DST: variants seen among roughly 807,000 people sequenced by gnomAD.
DST encodes dystonin, also known as bullous pemphigoid antigen.
A neutral mutation model predicts 875.2 loss-of-function variants in DST; 253 were observed. That is an observed-to-expected ratio of 0.29 (90% confidence interval 0.26 to 0.32). The LOEUF (loss-of-function observed/expected upper bound fraction) is 0.32. Ranked by LOEUF, DST falls within the 10% of genes least tolerant of loss-of-function variation. The pLI, the probability that DST is intolerant of heterozygous loss-of-function variation, is 1.00. For synonymous variants in DST, 3,124 were observed against 3,197.1 expected (o/e 0.98, Z 0.77); for missense variants, 8,287 against 9,111.6 (o/e 0.91, Z 3.68).
chr6:56,621,216 A>G (rs2098688321), intron 36 of DST, among the ~76,000 whole-genome samples: 1 of 152,250 alleles, frequency 6.6e-6, no homozygotes, highest in Non-Finnish European at 1.5e-5. Context: ...GAAATTAAAA[A>G]TGATACTTAT....
rs116793245 is a variant in DST, at chr6:56,886,209, C to G, written c.417+14212G>C. Among the ~76,000 whole-genome samples the G allele has an allele frequency of 9.7e-3, 1,477 of 152,242 alleles. 26 individuals are homozygous for G. Among genetic ancestry groups the G allele is most frequent in the African/African-American group, 0.034 (1,408 of 41,546 alleles). On this transcript the variant is annotated intron_variant, in intron 3 of 103. Coordinates refer to ENST00000680361, the MANE Select transcript of DST (RefSeq NM_001374736.1). ...TATTCTTCTCCCTGGAAGTTCTCAC[C>G]CAATTCTCTAAGCATTGTCAGAGAT... is the stretch of plus-strand genomic sequence containing the variant.
chr6:56,672,992 C>T (rs2099109773), intron 9 of DST, among the ~76,000 whole-genome samples: 2 of 152,104 alleles, frequency 1.3e-5, no homozygotes, highest in African/African-American at 2.4e-5. Context: ...CGGTGGCTCA[C>T]GCTTGTAATC....
At chr6:56,767,169 C>T (rs938884832) in intron 4 of DST, among the ~76,000 whole-genome samples, 17 of 152,184 alleles carry the variant, frequency 1.1e-4, no homozygotes, top group African/African-American at 4.1e-4. Flanking sequence ...CTCTATCAGT[C>T]TCAACTTACA....
chr6:56,537,079 TA>T, intron 61 of DST, 139 bp from the exon 62 acceptor site: 1 of 705,472 alleles, frequency 1.4e-6, no homozygotes, highest in South Asian at 2.3e-5. Context: ...TGTCTAGCCA[TA>T]GGTCATAGCT....
rs146376033 is a variant in DST, at chr6:56,845,490, TA to T, written c.625+5906del. ...CTTTTTTCTATCCTGACCACTGGTT[TA>T]TAATCTGAGTTTGAACCACTGTCCC... On this transcript the variant is annotated intron_variant, in intron 4 of 103. Coordinates refer to ENST00000680361, the MANE Select transcript of DST (RefSeq NM_001374736.1). Among the ~76,000 whole-genome samples, 424 of 152,366 alleles carry T rather than the reference TA, an allele frequency of 2.8e-3. 13 individuals carry two copies. In the East Asian group the frequency reaches 0.072, roughly 26 times the overall value.
At chr6:56,839,284 G>A (rs2099797203) in intron 4 of DST, among the ~76,000 whole-genome samples, 1 of 152,138 alleles carries the variant, frequency 6.6e-6, no homozygotes, top group Non-Finnish European at 1.5e-5. Flanking sequence ...TGCCTATTTA[G>A]GACTTCTCAG....
intron 5 of DST, chr6:56,734,909 T>C (rs756722300): frequency 4.3e-6 from 1 of 230,576 alleles, no homozygotes; most frequent in Non-Finnish European, 8.3e-6. Context: ...CTAAGAAATG[T>C]AGCTTTTCCA....
At chr6:56,773,501 G>A (rs1218184034) in intron 4 of DST, among the ~76,000 whole-genome samples, 1 of 151,944 alleles carries the variant, frequency 6.6e-6, no homozygotes, top group Non-Finnish European at 1.5e-5. Flanking sequence ...ATATATATGA[G>A]ATATTCAGGC....
chr6:56,489,878 G>A (rs1039313403), intron 85 of DST, among the ~76,000 whole-genome samples: 2 of 152,126 alleles, frequency 1.3e-5, no homozygotes, highest in African/African-American at 4.8e-5. Flanking sequence ...AAAAAGTTAG[G>A]AAGCTACAGA....
At chr6:56,802,257 A>T (rs544007361) in intron 4 of DST, among the ~76,000 whole-genome samples, 1 of 152,274 alleles carries the variant, frequency 6.6e-6, no homozygotes, top group African/African-American at 2.4e-5. Context: ...AATCAAAATT[A>T]TATTTTCTGA....
intron 5 of DST, among the ~76,000 whole-genome samples, chr6:56,707,651 C>G (rs912459239): frequency 6.6e-5 from 10 of 152,176 alleles, no homozygotes; most frequent in Admixed American, 5.9e-4. Flanking sequence ...TTGTGTCTTT[C>G]TCACTCCAGG....
At chr6:56,630,211 G>A (rs372980150) in intron 31 of DST, 34 bp downstream of exon 31, 14 of 1,454,848 alleles carry the variant, frequency 9.6e-6, no homozygotes, top group Non-Finnish European at 1.2e-5. Context: ...TGTAGAATAC[G>A]ATATTTAAAA....
At chr6:56,712,813 T>G (rs540284389) in intron 5 of DST, among the ~76,000 whole-genome samples, 3 of 152,202 alleles carry the variant, frequency 2.0e-5, no homozygotes, top group African/African-American at 7.2e-5. Context: ...TTATTTAAAT[T>G]TATATCATGA....
At chr6:56,555,281 G>A (rs758092446) in intron 60 of DST, 64 bp downstream of exon 60, 149 of 1,497,476 alleles carry the variant, frequency 1.0e-4, no homozygotes, top group Non-Finnish European at 1.3e-4. Flanking sequence ...GCAACATCTT[G>A]GAAATAGGCA....
chr6:56,772,282 T>C (rs1397296016), intron 4 of DST, among the ~76,000 whole-genome samples: 1 of 152,240 alleles, frequency 6.6e-6, no homozygotes, highest in Non-Finnish European at 1.5e-5. Flanking sequence ...AATTATTTCA[T>C]GTGATGGAAA....
chr6:56,717,362 T>C (rs1459301470), intron 5 of DST, among the ~76,000 whole-genome samples: 1 of 152,070 alleles, frequency 6.6e-6, no homozygotes, highest in Non-Finnish European at 1.5e-5. Flanking sequence ...CCTCCTGCTG[T>C]AACAGGCCAC....
intron 10 of DST, among the ~76,000 whole-genome samples, chr6:56,655,622 A>G (rs369564143): frequency 1.3e-5 from 2 of 152,164 alleles, no homozygotes; most frequent in East Asian, 1.9e-4. Context: ...TTTCCCTTTC[A>G]TAAGTCTTGG....
intron 4 of DST, among the ~76,000 whole-genome samples, chr6:56,776,847 G>C (rs989147682): frequency 6.6e-6 from 1 of 151,994 alleles, no homozygotes; most frequent in Non-Finnish European, 1.5e-5. Flanking sequence ...ATTTTATTTT[G>C]AATAGCATTA....
At chr6:56,681,767 T>C (rs1253401384) in intron 9 of DST, among the ~76,000 whole-genome samples, 3 of 152,178 alleles carry the variant, frequency 2.0e-5, no homozygotes, top group Non-Finnish European at 2.9e-5. Flanking sequence ...GACTTTATGA[T>C]TGAGTTGGAC....
Sources: gnomAD v4.1 joint callset for allele counts (sites outside exome capture counted in the v4.1 genomes callset) on GRCh38, gnomAD v4.1.1 for gene constraint, MANE v1.5 for transcripts, NCBI Gene and HGNC (gene_info 2026-07-23, HGNC 2026-07-21) for gene names.